Variants in PRKAG2 observed in about 807,000 individuals in gnomAD.
PRKAG2 encodes protein kinase AMP-activated non-catalytic subunit gamma 2.
Under a neutral mutation model 69.6 loss-of-function variants are expected in PRKAG2, and 26 were observed. The observed-to-expected ratio is 0.37, with a 90% CI of 0.27 to 0.52. PRKAG2 has a LOEUF of 0.52. PRKAG2 is among the 20% of genes least tolerant of loss of function. The pLI, the probability that PRKAG2 is intolerant of heterozygous loss-of-function variation, is 0.90. For synonymous variants in PRKAG2, 293 were observed against 285.0 expected, an observed-to-expected ratio of 1.03 and a Z score of -0.28; for missense variants, 557 against 740.0, an observed-to-expected ratio of 0.75 and a Z score of 2.87.
chr7:151,658,333 A>G (rs1011273019), intron 4 of PRKAG2, among the ~76,000 whole-genome samples: 4 of 151,186 alleles, frequency 2.6e-5, no homozygotes, highest in Admixed American at 6.6e-5. Flanking sequence ...TAAAAATACA[A>G]AATTAGCCAG....
chr7:151,870,159 AGG>A (rs1563769284), intron 1 of PRKAG2, among the ~76,000 whole-genome samples: 21,838 of 105,634 alleles, frequency 0.21, 1,816 homozygotes, highest in Non-Finnish European at 0.23. Flanking sequence ...ATAGATAGGC[AGG>A]CAGGCAGGCA....
At chr7:151,662,644 G>A (rs570562434) in intron 4 of PRKAG2, among the ~76,000 whole-genome samples, 1 of 152,216 alleles carries the variant, frequency 6.6e-6, no homozygotes, top group South Asian at 2.1e-4. Flanking sequence ...TGGGCGTGGT[G>A]GCTCCCAGCA....
Position 151,719,581 on chromosome 7 carries a change from C to T in PRKAG2, c.467-43944G>A, listed in dbSNP as rs761170640. The stretch of plus-strand genomic sequence containing the variant: ...GATGCCCCCTGTCTTCTGCCTCCTA[C>T]CCTCATCCTTCCCGGGCAGTTCCCC... On this transcript the variant is annotated intron_variant, in intron 3 of 15. Coordinates refer to ENST00000287878, the MANE Select transcript of PRKAG2 (RefSeq NM_016203.4). The surrounding 1 kb of genome is among the most constrained non-coding windows in gnomAD (Gnocchi z 5.2). 6.6e-6 allele frequency among the ~76,000 whole-genome samples: 1 copy of T among 152,132 alleles called. No homozygotes were observed. Among genetic ancestry groups the T allele is most frequent in the Admixed American group, 6.5e-5 (1 of 15,290 alleles).
chr7:151,842,015 TGGTA>T (rs2079307633), intron 1 of PRKAG2, among the ~76,000 whole-genome samples: 1 of 143,292 alleles, frequency 7.0e-6, no homozygotes, highest in Non-Finnish European at 1.5e-5. Context: ...ATGGTAGTGA[TGGTA>T]GGTAGGGATG....
chr7:151,751,276 T>G (rs576641971), intron 3 of PRKAG2, among the ~76,000 whole-genome samples: 1 of 151,402 alleles, frequency 6.6e-6, no homozygotes, highest in Non-Finnish European at 1.5e-5. Context: ...TTTTATTTAT[T>G]TATTTATTTA....
intron 1 of PRKAG2, among the ~76,000 whole-genome samples, chr7:151,855,540 AC>A (rs2079746144): frequency 3.7e-5 from 4 of 107,488 alleles, no homozygotes; most frequent in Admixed American, 1.0e-4. Flanking sequence ...CTCCACACAC[AC>A]CACTTTACAC....
chr7:151,765,744 A>T (rs1202949798), intron 3 of PRKAG2, among the ~76,000 whole-genome samples: 2 of 152,220 alleles, frequency 1.3e-5, no homozygotes, highest in Non-Finnish European at 2.9e-5. Context: ...TGCCGGGAAC[A>T]TCATACAACC....
In PRKAG2 at chr7:151,860,086, G is replaced by T. The variant is rs537303636; in HGVS notation, c.114+16421C>A. 3.3e-5 allele frequency among the ~76,000 whole-genome samples: 5 copies of T among 152,320 alleles called. No homozygotes were observed. In the East Asian group the frequency reaches 9.7e-4, roughly 29 times the overall value. On this transcript the variant is annotated intron_variant, in intron 1 of 15. Transcript: ENST00000287878. ...ACAGAAGCCTAGAATGCTGGACCCG[G>T]AGGGGCCCTTCCAGTCACTAACAGG...
intron 9 of PRKAG2, among the ~76,000 whole-genome samples, chr7:151,570,997 C>T (rs1807421593): frequency 6.6e-6 from 1 of 152,068 alleles, no homozygotes; most frequent in African/African-American, 2.4e-5. Context: ...TCTCGCACTC[C>T]TGACCTCAAG....
chr7:151,794,374 C>T (rs369198258), intron 1 of PRKAG2, among the ~76,000 whole-genome samples: 1 of 152,264 alleles, frequency 6.6e-6, no homozygotes, highest in South Asian at 2.1e-4. Context: ...GTGGAGCACG[C>T]CCTTTAAAAT....
In PRKAG2 at chr7:151,864,394, G is replaced by A. The variant is rs56127545; in HGVS notation, c.114+12113C>T. On this transcript the variant is annotated intron_variant, in intron 1 of 15. Coordinates refer to ENST00000287878, the MANE Select transcript of PRKAG2 (RefSeq NM_016203.4). ...TGGGGCTGTTTCCTCATTATACGGC[G>A]GTCCAGGGTGCAGCTTCCTGTTTCC... 3.5e-3 allele frequency among the ~76,000 whole-genome samples: 528 copies of A among 152,246 alleles called. 2 individuals carry two copies. The highest frequency in any genetic ancestry group is 0.013 in the East Asian group (66 of 5,174).
chr7:151,591,440 G>A (rs1813109777), intron 6 of PRKAG2, among the ~76,000 whole-genome samples: 2 of 152,302 alleles, frequency 1.3e-5, no homozygotes, highest in Admixed American at 1.3e-4. Context: ...AGAGCTCTAG[G>A]TGCCTCTGTG....
intron 3 of PRKAG2, among the ~76,000 whole-genome samples, chr7:151,731,693 C>T (rs778836452): frequency 6.6e-6 from 1 of 152,290 alleles, no homozygotes; most frequent in East Asian, 1.9e-4. Context: ...AAGACTGACA[C>T]AGCCACAGAG....
intron 3 of PRKAG2, among the ~76,000 whole-genome samples, chr7:151,691,316 T>A (rs968318519): frequency 3.9e-5 from 6 of 152,190 alleles, no homozygotes; most frequent in Non-Finnish European, 8.8e-5. Flanking sequence ...ATTTTTATTA[T>A]TTTTTCCCCT....
chr7:151,618,926 CATTTGG>C lies in PRKAG2; in HGVS notation c.754+13137_754+13142del, dbSNP rs138757138. ...TTTTTTCCCCTTTCCATGCTTTTTGCATTTGGTTTTGTGTGTGGGGGCAAATGTGTA... is the reference window on the plus strand; with the variant it reads ...TTTTTTCCCCTTTCCATGCTTTTTGCTTTTGTGTGTGGGGGCAAATGTGTA... On this transcript the variant is annotated intron_variant, in intron 5 of 15. Coordinates refer to ENST00000287878, the MANE Select transcript of PRKAG2 (RefSeq NM_016203.4). Among the ~76,000 whole-genome samples the C allele has an allele frequency of 3.3e-3, 503 of 152,052 alleles. 2 individuals are homozygous for C. Among genetic ancestry groups the C allele is most frequent in the African/African-American group, 0.011 (476 of 41,480 alleles).
chr7:151,565,425 CA>C, intron 12 of PRKAG2, 42 bp from the exon 13 acceptor site: 1 of 1,253,002 alleles, frequency 8.0e-7, no homozygotes, highest in South Asian at 1.4e-5. Context: ...TCTTAAGGGA[CA>C]AAAAGAAATT....
At chr7:151,831,319 A>G (rs2079021150) in intron 1 of PRKAG2, among the ~76,000 whole-genome samples, 1 of 152,260 alleles carries the variant, frequency 6.6e-6, no homozygotes, top group African/African-American at 2.4e-5. Context: ...ATAATAGCCA[A>G]AAGGTGGAAA....
In PRKAG2 at chr7:151,719,781, G is replaced by A. The variant is rs1388588338; in HGVS notation, c.467-44144C>T. Among the ~76,000 whole-genome samples, 1 of 134,064 alleles carries A rather than the reference G, an allele frequency of 7.5e-6. No homozygotes were observed. The highest frequency in any genetic ancestry group is 2.1e-4 in the East Asian group (1 of 4,818). 88.0% of individuals were successfully genotyped at this position (134,064 alleles called of 152,430 possible). A position where few individuals can be genotyped will look rare whatever the true frequency, so the allele number is the denominator to read the frequency against. Reference sequence around the variant, plus strand: ...CCTGATCTGTTCTCAACAAGAAACTGGAGCCTGCCCCTCCTCCCCCTGAGT... The same window carrying A: ...CCTGATCTGTTCTCAACAAGAAACTAGAGCCTGCCCCTCCTCCCCCTGAGT... On this transcript the variant is annotated intron_variant, in intron 3 of 15. Transcript: ENST00000287878. The surrounding 1 kb of genome is among the most constrained non-coding windows in gnomAD (Gnocchi z 5.2).
Position 151,632,191 on chromosome 7 carries a change from G to A in PRKAG2, c.685-53C>T, listed in dbSNP as rs1401587795. On this transcript the variant is annotated intron_variant, in intron 4 of 15. Coordinates refer to ENST00000287878, the MANE Select transcript of PRKAG2 (RefSeq NM_016203.4). This position sits in a 1 kb window ranked among gnomAD's most constrained non-coding sequence, Gnocchi z 4.2. ...AGCATGAGCTGCGACGCTCGTCCCC[G>A]GCCGGCGGGCTCGCGGCCGGCCGAG... 4.1e-6 allele frequency: 5 copies of A among 1,208,446 alleles called. No homozygotes were observed. Among genetic ancestry groups the A allele is most frequent in the Non-Finnish European group, 5.2e-6 (5 of 966,788 alleles). 74.9% of individuals were successfully genotyped at this position (1,208,446 alleles called of 1,614,324 possible).
Sources: allele counts gnomAD v4.1 joint callset (sites outside exome capture counted in the v4.1 genomes callset), GRCh38; gene constraint gnomAD v4.1.1; non-coding constraint Gnocchi (gnomAD v3.1); transcripts MANE v1.5; gene names NCBI Gene and HGNC (gene_info 2026-07-23, HGNC 2026-07-21).